BTG3: variants seen among roughly 807,000 people sequenced by gnomAD.
The protein encoded by BTG3 is BTG anti-proliferation factor 3.
BTG3 carries 4 observed loss-of-function variants against 25.8 expected under a neutral mutation model. The ratio of observed to expected loss-of-function variants is 0.16; its 90% CI spans 0.08 to 0.36. The LOEUF is 0.36. BTG3 is among the 10% of genes least tolerant of loss of function. BTG3 has a pLI of 1.00. For synonymous variants in BTG3, 107 were observed against 99.9 expected, an observed-to-expected ratio of 1.07 and a Z score of -0.42; for missense variants, 201 against 304.9, an observed-to-expected ratio of 0.66 and a Z score of 2.54.
intron 1 of BTG3, chr21:17,611,526 C>T (rs951028141): frequency 9.2e-5 from 14 of 152,204 alleles, no homozygotes; most frequent in African/African-American, 3.1e-4. Flanking sequence ...AAAATAAGCC[C>T]ACTCCCACCA....
intron 3 of BTG3, among the ~76,000 whole-genome samples, chr21:17,603,097 C>T (rs944066077): frequency 1.6e-4 from 25 of 152,186 alleles, no homozygotes; most frequent in African/African-American, 6.0e-4. Context: ...AGAAACCACA[C>T]AACTAACTTA....
intron 4 of BTG3, among the ~76,000 whole-genome samples, chr21:17,596,504 A>G (rs1345147102): frequency 2.0e-5 from 3 of 151,982 alleles, no homozygotes; most frequent in Non-Finnish European, 4.4e-5. Context: ...TTTTTCCTAC[A>G]CAGATCATCC....
At chr21:17,598,360 A>G (rs940913700) in intron 4 of BTG3, among the ~76,000 whole-genome samples, 3 of 152,206 alleles carry the variant, frequency 2.0e-5, no homozygotes, top group Non-Finnish European at 4.4e-5. Flanking sequence ...TTTTACCATC[A>G]TGAATTTTCT....
chr21:17,599,105 CA>C, intron 3 of BTG3: 4 of 314,244 alleles, frequency 1.3e-5, no homozygotes, highest in South Asian at 8.5e-5. Flanking sequence ...TTTAAAACAT[CA>C]AAAAAAGTCC....
chr21:17,604,578 T>C (rs1330592778), intron 3 of BTG3, among the ~76,000 whole-genome samples: 1 of 152,222 alleles, frequency 6.6e-6, no homozygotes, highest in Non-Finnish European at 1.5e-5. Context: ...AATAGACACC[T>C]AGCGGAATCT....
intron 3 of BTG3, among the ~76,000 whole-genome samples, chr21:17,603,383 T>A (rs765948558): frequency 1.3e-4 from 20 of 152,268 alleles, no homozygotes; most frequent in Non-Finnish European, 1.9e-4. Flanking sequence ...ATCACAAACC[T>A]CTACCACCTA....
chr21:17,600,991 G>A (rs1313152484), intron 3 of BTG3, among the ~76,000 whole-genome samples: 1 of 152,062 alleles, frequency 6.6e-6, no homozygotes, highest in Non-Finnish European at 1.5e-5. Flanking sequence ...GTGAAACCCT[G>A]TCTCTACTAA....
chr21:17,603,201 T>G (rs1237020005), intron 3 of BTG3, among the ~76,000 whole-genome samples: 1 of 152,320 alleles, frequency 6.6e-6, no homozygotes, highest in East Asian at 1.9e-4. Flanking sequence ...AGCTATTTCT[T>G]ATAAATGGAG....
chr21:17,609,174 T>C, intron 1 of BTG3, 22 bp from the exon 2 acceptor site: 2 of 1,594,510 alleles, frequency 1.3e-6, no homozygotes, highest in South Asian at 1.1e-5. Context: ...AAACATGTTT[T>C]CTCAGAAAAA....
chr21:17,605,411 G>A (rs1054328947), intron 2 of BTG3, among the ~76,000 whole-genome samples: 1 of 152,000 alleles, frequency 6.6e-6, no homozygotes, highest in African/African-American at 2.4e-5. Flanking sequence ...AAATGCTTAC[G>A]ACAAATTCTG....
chr21:17,595,026 A>G (rs965975116), intron 4 of BTG3, among the ~76,000 whole-genome samples: 1 of 152,040 alleles, frequency 6.6e-6, no homozygotes, highest in Non-Finnish European at 1.5e-5. Flanking sequence ...AGATAAACAC[A>G]AAACATTCAT....
Position 17,598,640 on chromosome 21 carries a change from C to T in BTG3, c.496G>A (p.Ala166Thr). Residue 166 changes from alanine (A) to threonine (T), a missense_variant, in exon 4 of 5, where the codon GCA becomes ACA. Ala to Thr is a moderately conservative substitution (Grantham distance 58, BLOSUM62 0). This residue lies in a region of BTG3 where 131 missense variants were observed against 129.3 expected (regional missense o/e 1.01). Transcript: ENST00000348354. ...ACCTGGTACACAGGACTTGCGGCTG[C>T]AGTCACCGAACTGGGTTTCACTTCC... is the stretch of plus-strand genomic sequence containing the variant. ...EMEVKPSSVT[A>T]AASPVYQISE... 6.2e-7 allele frequency: 1 copy of T among 1,613,998 alleles called. No homozygotes were observed. Among genetic ancestry groups the T allele is most frequent in the African/African-American group, 1.3e-5 (1 of 75,034 alleles).
intron 4 of BTG3, among the ~76,000 whole-genome samples, chr21:17,597,283 T>G (rs932638185): frequency 5.3e-5 from 8 of 152,040 alleles, no homozygotes; most frequent in African/African-American, 1.9e-4. Context: ...ACTTACATTC[T>G]TGCTTAACAA....
rs936977210 is a variant in BTG3 at position 17,593,914 on chromosome 21, A to T, written c.*179T>A. The T allele has an allele frequency of 5.1e-6, 4 of 786,744 alleles. No individual in the cohort carries two copies. In the African/African-American group the frequency reaches 7.1e-5, roughly 14 times the overall value. 48.7% of individuals were successfully genotyped at this position (786,744 alleles called of 1,614,324 possible). A position where few individuals can be genotyped will look rare whatever the true frequency, so the allele number is the denominator to read the frequency against. On this transcript the variant is annotated 3_prime_UTR_variant, in exon 5 of 5. Transcript: ENST00000348354. ...TAATAAAATTTCTCAAACTATATCA[A>T]TATCTAAAGTGCATATATTTTTTAA...
Position 17,605,017 on chromosome 21 carries a change from C to A in BTG3, c.174-20G>T. 6.2e-7 allele frequency: 1 copy of A among 1,609,534 alleles called. No individual in the cohort carries two copies. The highest frequency in any genetic ancestry group is 1.1e-5 in the South Asian group (1 of 90,444). On this transcript the variant is annotated intron_variant, in intron 2 of 4. Transcript: ENST00000348354. The stretch of plus-strand genomic sequence containing the variant: ...ATACATCTACAACAAAGTGGAGTTA[C>A]GTTAATGGATTTAAATGAATTTAAT...
chr21:17,604,029 G>T, intron 3 of BTG3: 1 of 810,274 alleles, frequency 1.2e-6, no homozygotes, highest in Non-Finnish European at 1.6e-6. Context: ...TGAGCAAGTG[G>T]AGTTCAAAAA....
chr21:17,603,968 G>A (rs2061604836), intron 3 of BTG3, among the ~76,000 whole-genome samples: 1 of 152,112 alleles, frequency 6.6e-6, no homozygotes, highest in African/African-American at 2.4e-5. Flanking sequence ...TGTTGCTTTC[G>A]TTTTTGAAAA....
intron 4 of BTG3, 41 bp downstream of exon 4, chr21:17,598,576 C>T (rs2061533126): frequency 1.3e-6 from 2 of 1,553,936 alleles, no homozygotes; most frequent in Non-Finnish European, 1.8e-6. Context: ...TCCTGGCAAT[C>T]CCTGCACATC....
intron 4 of BTG3, among the ~76,000 whole-genome samples, chr21:17,596,969 T>A (rs1051194904): frequency 2.6e-5 from 4 of 152,098 alleles, no homozygotes; most frequent in African/African-American, 7.2e-5. Flanking sequence ...AAAACTTTTT[T>A]AAAGCTTGTG....
Sources: allele counts gnomAD v4.1 joint callset (sites outside exome capture counted in the v4.1 genomes callset), GRCh38; gene constraint gnomAD v4.1.1; regional missense constraint gnomAD v4.1.1; transcripts MANE v1.5; gene names NCBI Gene and HGNC (gene_info 2026-07-23, HGNC 2026-07-21).